The following CLCN4 variants were observed in gnomAD, a reference collection of about 807,000 sequenced individuals.
CLCN4 encodes H(+)/Cl(-) exchange transporter 4.
CLCN4 carries 1 observed loss-of-function variant against 41.7 expected under a neutral mutation model. The observed-to-expected ratio is 0.02, with a 90% CI of 0.01 to 0.11. The LOEUF is 0.11. CLCN4 is among the 10% of genes least tolerant of loss of function. CLCN4 has a pLI of 1.00. For synonymous variants in CLCN4, 277 were observed against 285.8 expected, an observed-to-expected ratio of 0.97 and a Z score of 0.31; for missense variants, 287 against 661.0, an observed-to-expected ratio of 0.43 and a Z score of 6.20.
chrX:10,163,509 G>A (rs1422280059), intron 2 of CLCN4, among the ~76,000 whole-genome samples: 3 of 109,506 alleles, frequency 2.7e-5, no homozygotes, highest in Non-Finnish European at 5.7e-5. Flanking sequence ...CCAGGTTCAA[G>A]TGATTCTCCT....
intron 5 of CLCN4, among the ~76,000 whole-genome samples, chrX:10,197,032 G>A (rs966139728): frequency 8.9e-6 from 1 of 111,897 alleles, no homozygotes; most frequent in Non-Finnish European, 1.9e-5. Context: ...GCATTTAATA[G>A]GCACACATGT....
At chrX:10,184,676 G>A (rs746701656) in intron 2 of CLCN4, among the ~76,000 whole-genome samples, 1 of 111,980 alleles carries the variant, frequency 8.9e-6, no homozygotes, top group East Asian at 2.8e-4. Flanking sequence ...TGAGGTCAAT[G>A]TTAATAACTC....
At chrX:10,216,738 G>C (rs927303218) in intron 11 of CLCN4, among the ~76,000 whole-genome samples, 3 of 105,021 alleles carry the variant, frequency 2.9e-5, no homozygotes, top group South Asian at 4.4e-4. Context: ...TTGCAGAAAG[G>C]GGTCTACATC....
At chrX:10,197,837 C>T (rs1924135907) in intron 5 of CLCN4, 102 bp from the exon 6 acceptor site, 40 of 1,060,480 alleles carry the variant, frequency 3.8e-5, no homozygotes, top group East Asian at 6.1e-5. Context: ...TGCCCAATCC[C>T]GTCAAAGCTT....
chrX:10,196,687 T>C (rs16985989), intron 5 of CLCN4, among the ~76,000 whole-genome samples: 14,699 of 110,744 alleles, frequency 0.13, 1,232 homozygotes, highest in African/African-American at 0.29. Context: ...AAATCTCACA[T>C]GTTCTCAGTG....
chrX:10,208,884 C>T (rs1160608306), intron 9 of CLCN4, among the ~76,000 whole-genome samples: 1 of 112,010 alleles, frequency 8.9e-6, no homozygotes, highest in Non-Finnish European at 1.9e-5. Flanking sequence ...GGCATCAAAC[C>T]CACTTCACAC....
intron 2 of CLCN4, among the ~76,000 whole-genome samples, chrX:10,166,613 G>A (rs1386135918): frequency 2.7e-5 from 3 of 111,973 alleles, no homozygotes; most frequent in Non-Finnish European, 3.8e-5. Context: ...CTTAACCTCT[G>A]TGCCGCAGTT....
Position 10,206,841 on chromosome X carries a change from A to G in CLCN4, c.843+65A>G, listed in dbSNP as rs913444224. 6 of 781,972 alleles carry G rather than the reference A, an allele frequency of 7.7e-6. No individual in the cohort carries two copies. In the East Asian group the frequency reaches 1.9e-4, roughly 25 times the overall value. 64.4% of individuals were successfully genotyped at this position (781,972 alleles called of 1,213,427 possible). A position where few individuals can be genotyped will look rare whatever the true frequency, so the allele number is the denominator to read the frequency against. On this transcript the variant is annotated intron_variant, in intron 8 of 12. Coordinates refer to ENST00000380833, the MANE Select transcript of CLCN4 (RefSeq NM_001830.4). ...GCAAGGCCCGTTGAGGGTTAGAATC[A>G]AAGAAGTATTGGATAAGATTCCGGC...
intron 12 of CLCN4, among the ~76,000 whole-genome samples, chrX:10,227,673 C>A (rs779627237): frequency 1.8e-5 from 2 of 111,897 alleles, no homozygotes; most frequent in East Asian, 2.8e-4. Flanking sequence ...TCCTATACCA[C>A]AGTCCTTGGC....
chrX:10,216,895 G>GTATA (rs1277215208), intron 11 of CLCN4, among the ~76,000 whole-genome samples: 1 of 2,096 alleles, frequency 4.8e-4, no homozygotes, highest in African/African-American at 8.0e-4. Flanking sequence ...GTGTGTGTGT[G>GTATA]TGTATATATA....
chrX:10,236,688 G>A lies in CLCN4; in HGVS notation c.*3104G>A, dbSNP rs1382051075. ...CTGGTGATCTGATGAACAGCATGGG[G>A]ACGTGGAGGTGAAATAAGCATCTTT... On this transcript the variant is annotated 3_prime_UTR_variant, in exon 13 of 13. Transcript: ENST00000380833. The A allele has an allele frequency of 9.0e-6, 1 of 111,347 alleles. No individual in the cohort carries two copies. Among genetic ancestry groups the A allele is most frequent in the African/African-American group, 3.3e-5 (1 of 30,619 alleles). 9.2% of individuals were successfully genotyped at this position (111,347 alleles called of 1,213,427 possible).
Position 10,204,613 on chromosome X carries a change from C to CTTTTTTTTTTTTTT in CLCN4, c.556-1722_556-1709dup, listed in dbSNP as rs61453535. Among the ~76,000 whole-genome samples, 21 of 27,347 alleles carry CTTTTTTTTTTTTTT rather than the reference C, an allele frequency of 7.7e-4. 5 individuals carry two copies. Among genetic ancestry groups the CTTTTTTTTTTTTTT allele is most frequent in the Non-Finnish European group, 1.0e-3 (11 of 10,921 alleles). The allele number at this position is 27,347 out of a possible 115,157, so 23.7% of individuals were successfully genotyped here. A position where few individuals can be genotyped will look rare whatever the true frequency, so the allele number is the denominator to read the frequency against. On this transcript the variant is annotated intron_variant, in intron 6 of 12. Transcript: ENST00000380833. ...CTATTCTCACCAGAAAGCTAGTAGT[C>CTTTTTTTTTTTTTT]TTTTTTTTTTTTTTTTTTTTTTTTT...
chrX:10,215,799 T>G (rs1441949613), intron 11 of CLCN4, among the ~76,000 whole-genome samples: 2 of 112,191 alleles, frequency 1.8e-5, no homozygotes, highest in Non-Finnish European at 3.8e-5. Context: ...AGAAGAAATT[T>G]AAGCTTACCA....
intron 9 of CLCN4, 137 bp downstream of exon 9, chrX:10,208,727 A>C (rs888268336): frequency 2.2e-5 from 11 of 489,749 alleles, no homozygotes; most frequent in Non-Finnish European, 3.7e-5. Context: ...CAGGCACTTG[A>C]CATTCCTTTA....
intron 2 of CLCN4, among the ~76,000 whole-genome samples, chrX:10,173,460 G>C (rs756826): frequency 0.27 from 29,637 of 109,682 alleles, 3,430 homozygotes; most frequent in African/African-American, 0.43. Context: ...CACGTGGTTC[G>C]GCTGCGCACC....
chrX:10,161,124 GCTCTCTCT>G (rs34687262), intron 2 of CLCN4, among the ~76,000 whole-genome samples: 1,319 of 86,365 alleles, frequency 0.015, 15 homozygotes, highest in Middle Eastern at 0.029. Flanking sequence ...CCATCAGCTT[GCTCTCTCT>G]CTCTCTCTCT....
intron 2 of CLCN4, among the ~76,000 whole-genome samples, chrX:10,170,430 A>AC (rs1390310535): frequency 2.7e-5 from 3 of 112,338 alleles, no homozygotes; most frequent in Non-Finnish European, 5.6e-5. Context: ...TTGATGTTAA[A>AC]AATATTAATA....
chrX:10,235,783 A>C lies in CLCN4; in HGVS notation c.*2199A>C, dbSNP rs1240897295. 1 of 112,712 alleles carries C rather than the reference A, an allele frequency of 8.9e-6. No homozygotes were observed. Among genetic ancestry groups the C allele is most frequent in the Non-Finnish European group, 1.9e-5 (1 of 53,371 alleles). The allele number at this position is 112,712 out of a possible 1,213,427, so 9.3% of individuals were successfully genotyped here. A position where few individuals can be genotyped will look rare whatever the true frequency, so the allele number is the denominator to read the frequency against. Reference sequence around the variant, plus strand: ...TAATTCATTGACCTCTTCCTTCCAAAATAACATCAAGTAGCCACCTCAGTG... The same window carrying C: ...TAATTCATTGACCTCTTCCTTCCAACATAACATCAAGTAGCCACCTCAGTG... On this transcript the variant is annotated 3_prime_UTR_variant, in exon 13 of 13. Coordinates refer to ENST00000380833, the MANE Select transcript of CLCN4 (RefSeq NM_001830.4).
At chrX:10,232,178 C>T (rs1345315731) in intron 12 of CLCN4, among the ~76,000 whole-genome samples, 3 of 111,796 alleles carry the variant, frequency 2.7e-5, no homozygotes, top group East Asian at 2.8e-4. Context: ...ACACAAGAAA[C>T]GGATACCTTT....
Sources: gnomAD v4.1 joint callset for allele counts (sites outside exome capture counted in the v4.1 genomes callset) on GRCh38, gnomAD v4.1.1 for gene constraint, MANE v1.5 for transcripts, NCBI Gene and HGNC (gene_info 2026-07-23, HGNC 2026-07-21) for gene names.